Variants in PTP4A3 observed in about 807,000 individuals in gnomAD.
PTP4A3 encodes protein tyrosine phosphatase 4A3.
A neutral mutation model predicts 15.2 loss-of-function variants in PTP4A3; 9 were observed. The observed-to-expected ratio is 0.59, with a 90% CI of 0.36 to 1.03. The LOEUF (loss-of-function observed/expected upper bound fraction) is 1.03. Among genes scored for constraint, PTP4A3 ranks in the 50% least tolerant of loss-of-function variants. PTP4A3 has a pLI of 0.02. For missense variants in PTP4A3, 234 were observed against 252.1 expected (o/e 0.93, Z 0.49); for synonymous variants, 95 against 102.0 (o/e 0.93, Z 0.41).
intron 1 of PTP4A3, among the ~76,000 whole-genome samples, chr8:141,403,043 C>T (rs1025549037): frequency 6.6e-6 from 1 of 152,184 alleles, no homozygotes; most frequent in Non-Finnish European, 1.5e-5. Flanking sequence ...GTCCAGCCTC[C>T]CAGCAGCCCT....
At chr8:141,408,317 C>T (rs116877855) in intron 1 of PTP4A3, among the ~76,000 whole-genome samples, 6,194 of 152,266 alleles carry the variant, frequency 0.041, 147 homozygotes, top group Non-Finnish European at 0.046. Flanking sequence ...CTGAAGGTTA[C>T]ACTTTAAGAT....
At chr8:141,411,374 A>T (rs1832864106) in intron 1 of PTP4A3, among the ~76,000 whole-genome samples, 1 of 152,224 alleles carries the variant, frequency 6.6e-6, no homozygotes, top group Non-Finnish European at 1.5e-5. Context: ...TCCCCCCAGT[A>T]GGATCTAGGC....
chr8:141,415,927 C>A (rs1417386612), intron 1 of PTP4A3, among the ~76,000 whole-genome samples: 1 of 151,856 alleles, frequency 6.6e-6, no homozygotes, highest in African/African-American at 2.4e-5. Flanking sequence ...CCTCCTGGCC[C>A]CCCTAGCAAT....
chr8:141,427,161 C>CA (rs1833615121), intron 4 of PTP4A3, 92 bp downstream of exon 4: 1 of 1,520,596 alleles, frequency 6.6e-7, no homozygotes, highest in Admixed American at 1.9e-5. Flanking sequence ...GTCTTGAACA[C>CA]ACGTCCACGC....
chr8:141,408,000 T>G (rs1832772878), intron 1 of PTP4A3, among the ~76,000 whole-genome samples: 1 of 152,176 alleles, frequency 6.6e-6, no homozygotes, highest in South Asian at 2.1e-4. Flanking sequence ...AGCCAAAAGA[T>G]TGCACACTCC....
At chr8:141,419,222 G>A (rs548208685) in intron 1 of PTP4A3, among the ~76,000 whole-genome samples, 2 of 152,346 alleles carry the variant, frequency 1.3e-5, no homozygotes, top group South Asian at 2.1e-4. Context: ...TAGGCAGCAG[G>A]TCCAGGCCAC....
intron 5 of PTP4A3, among the ~76,000 whole-genome samples, chr8:141,429,355 C>T (rs1226889501): frequency 6.6e-6 from 1 of 152,268 alleles, no homozygotes; most frequent in Non-Finnish European, 1.5e-5. Flanking sequence ...GATGAGCCTC[C>T]AGAGGCGCTG....
At chr8:141,414,534 C>A (rs1400786611) in intron 1 of PTP4A3, among the ~76,000 whole-genome samples, 1 of 151,838 alleles carries the variant, frequency 6.6e-6, no homozygotes, top group Admixed American at 6.5e-5. Context: ...TGAGTCTCTG[C>A]ACCTGGCCGG....
At chr8:141,426,542 G>A in intron 3 of PTP4A3, 1 of 985,446 alleles carries the variant, frequency 1.0e-6, no homozygotes, top group Non-Finnish European at 1.2e-6. Context: ...GAGACCCTTT[G>A]CACCAGCCGA....
chr8:141,418,488 C>A (rs1304401276), intron 1 of PTP4A3, among the ~76,000 whole-genome samples: 1 of 152,250 alleles, frequency 6.6e-6, no homozygotes, highest in Non-Finnish European at 1.5e-5. Context: ...TCCCCTCTCC[C>A]TGGCTTGTTT....
At chr8:141,405,619 C>T (rs1007665894) in intron 1 of PTP4A3, among the ~76,000 whole-genome samples, 3 of 152,228 alleles carry the variant, frequency 2.0e-5, no homozygotes, top group African/African-American at 7.2e-5. Flanking sequence ...ACTGAGCCAG[C>T]ACCTGCTGTG....
chr8:141,413,503 C>G (rs1278538396), intron 1 of PTP4A3, among the ~76,000 whole-genome samples: 3 of 152,240 alleles, frequency 2.0e-5, no homozygotes, highest in Non-Finnish European at 4.4e-5. Flanking sequence ...TCCGACCCAA[C>G]ACCCCGTACT....
chr8:141,431,955 A>G lies in PTP4A3; in HGVS notation c.*911A>G, dbSNP rs1833895268. On this transcript the variant is annotated 3_prime_UTR_variant, in exon 6 of 6. Transcript: ENST00000521578. Reference sequence around the variant, plus strand: ...GGTGGCTTGGGTGGAGGAAGTCACCATCCATCAGCCCAGGGAGGGAGGGTG... The same window carrying G: ...GGTGGCTTGGGTGGAGGAAGTCACCGTCCATCAGCCCAGGGAGGGAGGGTG... 6.6e-6 allele frequency: 1 copy of G among 152,228 alleles called. No homozygotes were observed. The highest frequency in any genetic ancestry group is 2.4e-5 in the African/African-American group (1 of 41,406). 9.4% of individuals were successfully genotyped at this position (152,228 alleles called of 1,614,324 possible). A position where few individuals can be genotyped will look rare whatever the true frequency, so the allele number is the denominator to read the frequency against.
intron 2 of PTP4A3, among the ~76,000 whole-genome samples, 184 bp from the exon 3 acceptor site, chr8:141,424,864 C>G (rs978792515): frequency 1.3e-5 from 2 of 152,044 alleles, no homozygotes; most frequent in Admixed American, 6.5e-5. Context: ...CTTCAGGGGC[C>G]ATGACCCTGC....
At position 141,430,881 on chromosome 8, in the gene PTP4A3, G is replaced by C. The variant is rs372526974; in HGVS notation, c.405-46G>C. 11 of 1,595,328 alleles carry C rather than the reference G, an allele frequency of 6.9e-6. 1 individual carries two copies. The South Asian group carries it at 1.2e-4, about 18-fold the overall frequency. ...GCTCCCTGGGGCAGGTGAGATGGCC[G>C]AGCCAGGTCCTTGGATGATCTCTGT... On this transcript the variant is annotated intron_variant, in intron 5 of 5. Transcript: ENST00000521578.
At chr8:141,408,617 G>GAA (rs112994349) in intron 1 of PTP4A3, among the ~76,000 whole-genome samples, 32 of 130,376 alleles carry the variant, frequency 2.5e-4, no homozygotes, top group African/African-American at 8.0e-4. Context: ...GACTCTGTCT[G>GAA]AAAAAAAAAA....
chr8:141,423,049 A>G (rs550208565), intron 2 of PTP4A3, among the ~76,000 whole-genome samples: 60 of 152,262 alleles, frequency 3.9e-4, no homozygotes, highest in Non-Finnish European at 7.2e-4. Context: ...CCGTTGACAG[A>G]GCCTCTGACT....
intron 2 of PTP4A3, among the ~76,000 whole-genome samples, chr8:141,424,144 G>A (rs1468765968): frequency 6.6e-6 from 1 of 152,098 alleles, no homozygotes; most frequent in African/African-American, 2.4e-5. Flanking sequence ...CCTGCTCCCT[G>A]CATTCTCAGA....
chr8:141,413,337 C>T (rs1832919150), intron 1 of PTP4A3, among the ~76,000 whole-genome samples: 1 of 152,206 alleles, frequency 6.6e-6, no homozygotes, highest in Non-Finnish European at 1.5e-5. Flanking sequence ...CTTCTGGGTA[C>T]TGGCCTTCAG....
Sources: allele counts gnomAD v4.1 joint callset (sites outside exome capture counted in the v4.1 genomes callset), GRCh38; gene constraint gnomAD v4.1.1; transcripts MANE v1.5; gene names NCBI Gene and HGNC (gene_info 2026-07-23, HGNC 2026-07-21).